Variants in RNLS observed in about 807,000 individuals in gnomAD.
RNLS encodes renalase, FAD dependent amine oxidase, also known as renalase.
A neutral mutation model predicts 39.8 loss-of-function variants in RNLS; 39 were observed. The ratio of observed to expected loss-of-function variants is 0.98; its 90% CI spans 0.76 to 1.28. The LOEUF is 1.28. RNLS is among the 50% of genes most tolerant of loss of function. The pLI is 0.00. For synonymous variants in RNLS, 147 were observed against 150.7 expected (o/e 0.98, Z 0.18); for missense variants, 410 against 413.3 (o/e 0.99, Z 0.07).
chr10:88,318,435 G>C (rs1254872233), intron 5 of RNLS, among the ~76,000 whole-genome samples: 1 of 152,244 alleles, frequency 6.6e-6, no homozygotes, highest in Non-Finnish European at 1.5e-5. Flanking sequence ...CCACTGTTGA[G>C]GATGCAGTAG....
At chr10:88,446,773 T>C (rs1459641874) in intron 4 of RNLS, among the ~76,000 whole-genome samples, 1 of 152,132 alleles carries the variant, frequency 6.6e-6, no homozygotes, top group Non-Finnish European at 1.5e-5. Flanking sequence ...AATAAGATAC[T>C]GGCAAACTGA....
intron 4 of RNLS, among the ~76,000 whole-genome samples, chr10:88,522,653 A>G (rs1846829435): frequency 1.3e-5 from 2 of 152,082 alleles, no homozygotes; most frequent in African/African-American, 4.8e-5. Flanking sequence ...TTAGGCCCAC[A>G]AACTAAAAAT....
intron 4 of RNLS, among the ~76,000 whole-genome samples, chr10:88,487,813 G>A (rs1162314330): frequency 6.6e-6 from 1 of 151,930 alleles, no homozygotes; most frequent in African/African-American, 2.4e-5. Context: ...GTCGCAAATG[G>A]GAAATAATCC....
chr10:88,489,029 C>A (rs1357508277), intron 4 of RNLS, among the ~76,000 whole-genome samples: 2 of 152,150 alleles, frequency 1.3e-5, no homozygotes, highest in African/African-American at 4.8e-5. Context: ...ACAAAGTGGT[C>A]TTACCTCGAA....
intron 4 of RNLS, among the ~76,000 whole-genome samples, chr10:88,458,020 C>T (rs1480546417): frequency 6.6e-6 from 1 of 152,140 alleles, no homozygotes; most frequent in Non-Finnish European, 1.5e-5. Context: ...TAATATACAC[C>T]CTTAAGCCTG....
intron 4 of RNLS, among the ~76,000 whole-genome samples, chr10:88,566,209 A>C (rs1325145245): frequency 6.6e-6 from 1 of 151,968 alleles, no homozygotes; most frequent in Non-Finnish European, 1.5e-5. Context: ...TACATACTTT[A>C]ATCTTCTTTC....
intron 4 of RNLS, among the ~76,000 whole-genome samples, chr10:88,396,951 C>A (rs891867363): frequency 6.6e-6 from 1 of 151,840 alleles, no homozygotes; most frequent in African/African-American, 2.4e-5. Flanking sequence ...CACAAATGTG[C>A]ACCAAACAAC....
chr10:88,509,452 A>G (rs12571406), intron 4 of RNLS, among the ~76,000 whole-genome samples: 4 of 50,386 alleles, frequency 7.9e-5, no homozygotes, highest in South Asian at 1.6e-3. Flanking sequence ...GAGAGAGAGA[A>G]AAAAAAGGAG....
At chr10:88,362,489 C>T in intron 5 of RNLS, 63 bp downstream of exon 5, 1 of 1,451,706 alleles carries the variant, frequency 6.9e-7, no homozygotes, top group Non-Finnish European at 9.4e-7. Context: ...AATTAAACAG[C>T]ATTTTTCATG....
chr10:88,263,344 T>C, the RNLS span, among the ~76,000 whole-genome samples: 1 of 152,064 alleles, frequency 6.6e-6, no homozygotes, highest in Non-Finnish European at 1.5e-5. Flanking sequence ...CTAAAAAATA[T>C]CTTAAAGTCC....
At chr10:88,379,382 C>G (rs1206889748) in intron 4 of RNLS, among the ~76,000 whole-genome samples, 5 of 152,010 alleles carry the variant, frequency 3.3e-5, no homozygotes, top group Non-Finnish European at 5.9e-5. Context: ...CCCCCCAGAC[C>G]AAGGTGTTTT....
intron 4 of RNLS, among the ~76,000 whole-genome samples, chr10:88,551,817 G>C (rs970641701): frequency 2.6e-5 from 4 of 152,020 alleles, no homozygotes; most frequent in Admixed American, 2.0e-4. Context: ...AACAACGCTG[G>C]GTTGTTTTAA....
intron 4 of RNLS, among the ~76,000 whole-genome samples, chr10:88,441,660 C>T (rs1376229235): frequency 1.3e-5 from 2 of 152,194 alleles, no homozygotes; most frequent in Non-Finnish European, 2.9e-5. Context: ...GCAGTGAGGG[C>T]TGCCTTTCTA....
rs61477690 is a variant in RNLS, at chr10:88,581,294, G to GTATATATATATATATATA, written c.367+255_367+272dup. On this transcript the variant is annotated intron_variant, in intron 3 of 6. Transcript: ENST00000331772. ...AATATATATGTATGTGTGTGTGTGTGTATATATATATATATATATATACAT... is the reference window on the plus strand; with the variant it reads ...AATATATATGTATGTGTGTGTGTGTGTATATATATATATATATATATATATATATATATATATATACAT... 8.8e-3 allele frequency among the ~76,000 whole-genome samples: 1,139 copies of GTATATATATATATATATA among 129,668 alleles called. 9 individuals carry two copies. The highest frequency in any genetic ancestry group is 0.01 in the Non-Finnish European group (643 of 61,808). 85.1% of individuals were successfully genotyped at this position (129,668 alleles called of 152,430 possible). A position where few individuals can be genotyped will look rare whatever the true frequency, so the allele number is the denominator to read the frequency against.
At chr10:88,510,251 G>A (rs1355808508) in intron 4 of RNLS, among the ~76,000 whole-genome samples, 2 of 151,756 alleles carry the variant, frequency 1.3e-5, no homozygotes, top group East Asian at 1.9e-4. Flanking sequence ...CAGAAGAGAG[G>A]ACTCCACATT....
intron 4 of RNLS, among the ~76,000 whole-genome samples, chr10:88,460,542 T>C (rs1842889748): frequency 6.6e-6 from 1 of 152,084 alleles, no homozygotes; most frequent in South Asian, 2.1e-4. Context: ...TCACAATCTA[T>C]GATTGCCTCA....
At chr10:88,392,888 A>C (rs1852295078) in intron 4 of RNLS, among the ~76,000 whole-genome samples, 1 of 152,208 alleles carries the variant, frequency 6.6e-6, no homozygotes, top group Non-Finnish European at 1.5e-5. Flanking sequence ...CAACATATGC[A>C]AATCAATAAA....
chr10:88,226,137 G>A, the RNLS span, among the ~76,000 whole-genome samples: 2 of 152,164 alleles, frequency 1.3e-5, no homozygotes, highest in African/African-American at 2.4e-5. Flanking sequence ...TAAAGGCAAA[G>A]AAACTGAGAA....
At chr10:88,498,867 G>A (rs952585440) in intron 4 of RNLS, among the ~76,000 whole-genome samples, 16 of 152,078 alleles carry the variant, frequency 1.1e-4, no homozygotes, top group East Asian at 7.7e-4. Context: ...AATCTTTTTC[G>A]AAGTCTAAAA....
Sources: allele counts gnomAD v4.1 joint callset (sites outside exome capture counted in the v4.1 genomes callset), GRCh38; gene constraint gnomAD v4.1.1; transcripts MANE v1.5; gene names NCBI Gene and HGNC (gene_info 2026-07-23, HGNC 2026-07-21).